Variants in ADCY5 observed in about 807,000 individuals in gnomAD.
ADCY5 encodes the protein adenylate cyclase 5.
A neutral mutation model predicts 119.7 loss-of-function variants in ADCY5; 30 were observed. The observed-to-expected ratio is 0.25, with a 90% confidence interval of 0.19 to 0.34. The LOEUF (loss-of-function observed/expected upper bound fraction) is 0.34, where lower values mean the gene tolerates loss of function less well. Among genes scored for constraint, ADCY5 ranks in the 10% least tolerant of loss-of-function variants. The pLI is 1.00. For missense variants in ADCY5, 1,324 were observed against 1,775.2 expected (o/e 0.75, Z 4.57); for synonymous variants, 753 against 762.2 (o/e 0.99, Z 0.20).
In ADCY5 at chr3:123,367,945, G is replaced by A. The variant is rs375785544; in HGVS notation, c.1135-15364C>T. ...GAACCTAGATGGGGCCATGTCTTCC[G>A]TGGGACAGGCCTGGGCCCTACCCAG... is the stretch of plus-strand genomic sequence containing the variant. On this transcript the variant is annotated intron_variant, in intron 1 of 20. Coordinates refer to ENST00000462833, the MANE Select transcript of ADCY5 (RefSeq NM_183357.3). 2.0e-4 allele frequency: 312 copies of A among 1,535,810 alleles called. 1 individual carries two copies. The highest frequency in any genetic ancestry group is 3.3e-4 in the Middle Eastern group (2 of 5,986).
chr3:123,358,406 A>G (rs1943120577), intron 1 of ADCY5, among the ~76,000 whole-genome samples: 1 of 152,188 alleles, frequency 6.6e-6, no homozygotes, highest in African/African-American at 2.4e-5. Flanking sequence ...GGAATTCAAG[A>G]CCAGCCCGGA....
intron 1 of ADCY5, among the ~76,000 whole-genome samples, chr3:123,441,910 C>T (rs1466372654): frequency 6.6e-6 from 1 of 151,782 alleles, no homozygotes; most frequent in Non-Finnish European, 1.5e-5. Context: ...CTAGAAACCC[C>T]CAGATTTTCT....
intron 1 of ADCY5, among the ~76,000 whole-genome samples, chr3:123,413,213 G>C (rs564623461): frequency 6.6e-6 from 1 of 152,340 alleles, no homozygotes; most frequent in South Asian, 2.1e-4. Flanking sequence ...GTTTTCTTAA[G>C]CAGTGACCTT....
Position 123,284,756 on chromosome 3 carries a change from G to A in ADCY5, c.3658-20C>T, listed in dbSNP as rs767493863. 1 of 1,613,806 alleles carries A rather than the reference G, an allele frequency of 6.2e-7. No individual in the cohort carries two copies. Among genetic ancestry groups the A allele is most frequent in the African/African-American group, 1.3e-5 (1 of 75,076 alleles). On this transcript the variant is annotated intron_variant, in intron 20 of 20. Transcript: ENST00000462833. ...GGTGACCTGTGGGGGAACAGGAGGA[G>A]AGAGGGCAAGCCACTGATGGCCTTG...
chr3:123,413,069 C>A (rs2107626775), intron 1 of ADCY5, among the ~76,000 whole-genome samples: 1 of 152,306 alleles, frequency 6.6e-6, no homozygotes, highest in Non-Finnish European at 1.5e-5. Context: ...CTTCATGACG[C>A]CGGCTCCTCC....
chr3:123,395,889 AAGAAAGAGAGAGAG>A (rs1418076535), intron 1 of ADCY5, among the ~76,000 whole-genome samples: 6 of 150,928 alleles, frequency 4.0e-5, no homozygotes, highest in East Asian at 1.9e-4. Flanking sequence ...GTCTCAAAAA[AAGAAAGAGAGAGAG>A]AGAAAGAGAG....
chr3:123,314,267 C>G lies in ADCY5; in HGVS notation c.2410G>C (p.Val804Leu). The change falls in exon 12 of 21, where the codon GTG (valine) becomes CTG (leucine). Residue 804 changes from valine to leucine, a missense_variant. Physicochemically the swap from Val to Leu is conservative, Grantham distance 32 (BLOSUM62 1). Transcript: ENST00000462833. ...CAGGAGTAGATCACAGACACAAACA[C>G]CACCAAGGTCAGCAGCAGGGAACAG... ...LTCSLLLTLVVFVSVIYSCVK... is the reference protein window; with the variant it reads ...LTCSLLLTLVLFVSVIYSCVK... 6.2e-7 allele frequency: 1 copy of G among 1,613,874 alleles called. No individual in the cohort carries two copies. The highest frequency in any genetic ancestry group is 8.5e-7 in the Non-Finnish European group (1 of 1,179,826).
At chr3:123,345,765 G>GACACAC (rs1491192654) in intron 3 of ADCY5, among the ~76,000 whole-genome samples, 2,383 of 135,266 alleles carry the variant, frequency 0.018, 88 homozygotes, top group African/African-American at 0.065. Flanking sequence ...CAGACAGACA[G>GACACAC]ACAGACACAC....
intron 5 of ADCY5, 57 bp downstream of exon 5, chr3:123,330,832 G>A (rs1941725966): frequency 1.2e-5 from 18 of 1,519,868 alleles, no homozygotes; most frequent in Admixed American, 2.2e-5. Context: ...TCAGTCAGTC[G>A]CTCGGGCTGT....
chr3:123,386,867 T>C (rs1257087624), intron 1 of ADCY5, among the ~76,000 whole-genome samples: 1 of 152,132 alleles, frequency 6.6e-6, no homozygotes, highest in Non-Finnish European at 1.5e-5. Context: ...CCCAAGGTCT[T>C]AAGCCCGTCA....
chr3:123,448,552 CT>C lies in ADCY5; in HGVS notation c.-8del. On this transcript the variant is annotated 5_prime_UTR_variant, in exon 1 of 21. Coordinates refer to ENST00000462833, the MANE Select transcript of ADCY5 (RefSeq NM_183357.3). ...CGCTTTTGGAGCCGGACATCCCCCCCTCGGCCTCGTCGTCTCCTTCCTCCTC... is the reference window on the plus strand; with the variant it reads ...CGCTTTTGGAGCCGGACATCCCCCCCCGGCCTCGTCGTCTCCTTCCTCCTC... 3 of 1,264,086 alleles carry C rather than the reference CT, an allele frequency of 2.4e-6. No individual in the cohort carries two copies. The highest frequency in any genetic ancestry group is 3.0e-6 in the Non-Finnish European group (3 of 1,006,560). The allele number at this position is 1,264,086 out of a possible 1,614,324, so 78.3% of individuals were successfully genotyped here. A position where few individuals can be genotyped will look rare whatever the true frequency, so the allele number is the denominator to read the frequency against.
At chr3:123,322,128 A>G (rs374993335) in intron 8 of ADCY5, among the ~76,000 whole-genome samples, 26 of 152,290 alleles carry the variant, frequency 1.7e-4, no homozygotes, top group African/African-American at 4.8e-4. Context: ...TGCTCCCAGG[A>G]TCCCTTGGAG....
chr3:123,442,381 C>T (rs756490844), intron 1 of ADCY5, among the ~76,000 whole-genome samples: 3 of 152,200 alleles, frequency 2.0e-5, no homozygotes, highest in Non-Finnish European at 2.9e-5. Context: ...ATGCCTCATG[C>T]GGGAGAGGAG....
At chr3:123,309,229 T>C (rs532971279) in intron 12 of ADCY5, among the ~76,000 whole-genome samples, 1 of 152,140 alleles carries the variant, frequency 6.6e-6, no homozygotes, top group South Asian at 2.1e-4. Flanking sequence ...GGGGATGAAA[T>C]TGGATGGCAA....
chr3:123,318,098 T>C lies in ADCY5; in HGVS notation c.2276A>G (p.Asp759Gly), dbSNP rs1207423873. 1.2e-6 allele frequency: 2 copies of C among 1,611,352 alleles called. No homozygotes were observed. Among genetic ancestry groups the C allele is most frequent in the Non-Finnish European group, 1.7e-6 (2 of 1,177,842 alleles). ...ACACGCCACATAGGCACCAAATCGG[T>C]CGTCTACCTGCTTGGAGTACTGAGA... ...LEKKYSKQVD[D>G]RFGAYVACAS... The change falls in exon 11 of 21, where the codon GAC becomes GGC. Residue 759 changes from aspartate (D) to glycine (G), a missense_variant. By Grantham distance (94) the Asp-to-Gly change is moderately conservative (BLOSUM62 -1). This residue lies in a region of ADCY5 where 424 missense variants were observed against 546.8 expected (regional missense o/e 0.78). Transcript: ENST00000462833.
intron 1 of ADCY5, among the ~76,000 whole-genome samples, chr3:123,380,979 C>T (rs972764800): frequency 2.0e-5 from 3 of 152,176 alleles, no homozygotes; most frequent in Admixed American, 2.0e-4. Context: ...CCACTTCATA[C>T]GGTGACTCTG....
chr3:123,385,287 ACACACG>A (rs1197469589), intron 1 of ADCY5, among the ~76,000 whole-genome samples: 1 of 148,278 alleles, frequency 6.7e-6, no homozygotes, highest in African/African-American at 2.6e-5. Context: ...CACTGCAGAC[ACACACG>A]CACACACACA....
At position 123,283,609 on chromosome 3, in the gene ADCY5, C is replaced by G. The variant is rs1938519944; in HGVS notation, c.*999G>C. 2 of 152,094 alleles carry G rather than the reference C, an allele frequency of 1.3e-5. No individual in the cohort carries two copies. The highest frequency in any genetic ancestry group is 4.2e-4 in the South Asian group (2 of 4,818). The allele number at this position is 152,094 out of a possible 1,614,324, so 9.4% of individuals were successfully genotyped here. The stretch of plus-strand genomic sequence containing the variant: ...GGTACCTTGGAAAACCCAAAACTGC[C>G]AAATCTGAAATGAGGGAAACACATC... On this transcript the variant is annotated 3_prime_UTR_variant, in exon 21 of 21. Transcript: ENST00000462833.
chr3:123,360,240 A>G (rs1169275920), intron 1 of ADCY5, among the ~76,000 whole-genome samples: 3 of 152,076 alleles, frequency 2.0e-5, no homozygotes, highest in African/African-American at 7.2e-5. Flanking sequence ...GGAGGTGGCC[A>G]GCTCTATACC....
Sources: gnomAD v4.1 joint callset for allele counts (sites outside exome capture counted in the v4.1 genomes callset) on GRCh38, gnomAD v4.1.1 for gene constraint, gnomAD v4.1.1 regional missense constraint, MANE v1.5 for transcripts, NCBI Gene and HGNC (gene_info 2026-07-23, HGNC 2026-07-21) for gene names.